Variants in CDH18 observed in about 807,000 individuals in gnomAD.
The protein encoded by CDH18 is cadherin-18.
CDH18 carries 31 observed loss-of-function variants against 67.9 expected under a neutral mutation model. That is an observed-to-expected ratio of 0.46 (90% CI 0.34 to 0.62). The LOEUF (loss-of-function observed/expected upper bound fraction) is 0.62, where lower values mean the gene tolerates loss of function less well. Among genes scored for constraint, CDH18 ranks in the 20% least tolerant of loss-of-function variants. The pLI, the probability that CDH18 is intolerant of heterozygous loss-of-function variation, is 0.01. For missense variants in CDH18, 890 were observed against 975.5 expected, an observed-to-expected ratio of 0.91 and a Z score of 1.17; for synonymous variants, 362 against 347.2, an observed-to-expected ratio of 1.04 and a Z score of -0.48.
chr5:20,063,403 T>C (rs1359586111), intron 2 of CDH18, among the ~76,000 whole-genome samples: 2 of 152,242 alleles, frequency 1.3e-5, no homozygotes, highest in South Asian at 2.1e-4. Flanking sequence ...TGGGAAATTG[T>C]AGGTCTTCAC....
At chr5:19,943,855 A>C (rs1023891913) in intron 2 of CDH18, among the ~76,000 whole-genome samples, 1 of 152,122 alleles carries the variant, frequency 6.6e-6, no homozygotes, top group African/African-American at 2.4e-5. Context: ...ATTATTTGAT[A>C]ATTTATAAAA....
chr5:19,669,917 T>C (rs959839319), intron 5 of CDH18, among the ~76,000 whole-genome samples: 3 of 152,068 alleles, frequency 2.0e-5, no homozygotes, highest in African/African-American at 4.8e-5. Context: ...GATCTTAACA[T>C]CTAGTGGGGA....
chr5:19,497,881 A>G (rs1742608005), intron 11 of CDH18, among the ~76,000 whole-genome samples: 1 of 152,190 alleles, frequency 6.6e-6, no homozygotes, highest in Non-Finnish European at 1.5e-5. Context: ...CTGAGATTGT[A>G]CCTACTTACA....
chr5:19,606,841 G>T (rs1748126534), intron 6 of CDH18, among the ~76,000 whole-genome samples: 1 of 151,620 alleles, frequency 6.6e-6, no homozygotes, highest in South Asian at 2.1e-4. Context: ...ACAACCATTA[G>T]TCAGATTTTT....
chr5:20,491,210 A>G (rs1446400718), intron 1 of CDH18, among the ~76,000 whole-genome samples: 1 of 150,962 alleles, frequency 6.6e-6, no homozygotes, highest in African/African-American at 2.4e-5. Flanking sequence ...TATTATTATT[A>G]TTATTATTAT....
intron 5 of CDH18, among the ~76,000 whole-genome samples, chr5:19,696,545 A>T (rs1762568765): frequency 6.6e-6 from 1 of 151,712 alleles, no homozygotes; most frequent in South Asian, 2.1e-4. Flanking sequence ...TAAAAAAAAA[A>T]AAAGAGCCCA....
At chr5:19,555,400 T>C (rs894301616) in intron 8 of CDH18, among the ~76,000 whole-genome samples, 4 of 152,146 alleles carry the variant, frequency 2.6e-5, no homozygotes, top group African/African-American at 7.2e-5. Context: ...ACCAGCTTCC[T>C]GGAAATAAAC....
intron 6 of CDH18, among the ~76,000 whole-genome samples, chr5:19,592,553 G>C (rs1033119554): frequency 2.6e-5 from 4 of 152,052 alleles, no homozygotes; most frequent in Non-Finnish European, 5.9e-5. Flanking sequence ...ATATAGATAA[G>C]TGAATGCACA....
intron 1 of CDH18, among the ~76,000 whole-genome samples, chr5:20,501,581 T>TG (rs1554010522): frequency 7.7e-5 from 1 of 13,054 alleles, no homozygotes; most frequent in East Asian, 5.1e-3. Context: ...TATATATATA[T>TG]TATATATATA....
At chr5:20,031,556 C>G (rs1739401157) in intron 2 of CDH18, among the ~76,000 whole-genome samples, 1 of 151,946 alleles carries the variant, frequency 6.6e-6, no homozygotes, top group Non-Finnish European at 1.5e-5. Flanking sequence ...GCTCCTCTTT[C>G]TAATTTCTTC....
intron 9 of CDH18, among the ~76,000 whole-genome samples, chr5:19,529,500 A>T (rs1748261012): frequency 1.3e-5 from 2 of 152,050 alleles, no homozygotes. Context: ...AAAGAAATAA[A>T]AGTGATGTAA....
At chr5:19,982,196 A>G (rs1799121584) in intron 1 of CDH18, among the ~76,000 whole-genome samples, 3 of 152,290 alleles carry the variant, frequency 2.0e-5, no homozygotes, top group East Asian at 1.9e-4. Flanking sequence ...ACGCTTTCCC[A>G]TCTATTGCTA....
At chr5:19,763,720 A>G (rs1772674079) in intron 3 of CDH18, among the ~76,000 whole-genome samples, 1 of 152,150 alleles carries the variant, frequency 6.6e-6, no homozygotes, top group East Asian at 1.9e-4. Flanking sequence ...ATAGGTGAGA[A>G]GAGAAGAATT....
At chr5:19,921,379 T>A (rs961900840) in intron 2 of CDH18, among the ~76,000 whole-genome samples, 35 of 151,310 alleles carry the variant, frequency 2.3e-4, no homozygotes, top group Non-Finnish European at 7.4e-5. Flanking sequence ...AAAATACAAA[T>A]AATTAGCCAG....
At chr5:19,789,081 C>G (rs769164741) in intron 3 of CDH18, among the ~76,000 whole-genome samples, 2 of 152,170 alleles carry the variant, frequency 1.3e-5, no homozygotes, top group Admixed American at 1.3e-4. Context: ...TCTAAGGGAA[C>G]AGTCTGGAGT....
chr5:20,171,095 C>T (rs936444620), intron 2 of CDH18, among the ~76,000 whole-genome samples: 1 of 151,636 alleles, frequency 6.6e-6, no homozygotes, highest in Non-Finnish European at 1.5e-5. Context: ...ATATGTACCA[C>T]ATTTTCTTTA....
chr5:20,532,840 T>A (rs1651440), intron 1 of CDH18, among the ~76,000 whole-genome samples: 60,835 of 151,776 alleles, frequency 0.4, 13,624 homozygotes, highest in East Asian at 0.56. Context: ...GTTTTACATC[T>A]TTTTGTAGGG....
At chr5:19,935,346 C>T (rs2150211777) in intron 2 of CDH18, among the ~76,000 whole-genome samples, 1 of 151,280 alleles carries the variant, frequency 6.6e-6, no homozygotes, top group South Asian at 2.1e-4. Context: ...AGTTCTGTGC[C>T]CTATATTGAG....
chr5:20,303,922 C>A, intron 1 of CDH18: 1 of 641,838 alleles, frequency 1.6e-6, no homozygotes, highest in Non-Finnish European at 2.8e-6. Flanking sequence ...ATTAATCTTC[C>A]TCTCAAAAGT....
Sources: gnomAD v4.1 joint callset for allele counts (sites outside exome capture counted in the v4.1 genomes callset) on GRCh38, gnomAD v4.1.1 for gene constraint, MANE v1.5 for transcripts, NCBI Gene and HGNC (gene_info 2026-07-23, HGNC 2026-07-21) for gene names.